Variants in CSMD1 observed in about 807,000 individuals in gnomAD.
CSMD1 encodes CUB and Sushi multiple domains 1.
Under a neutral mutation model 417.5 loss-of-function variants are expected in CSMD1, and 213 were observed. The ratio of observed to expected loss-of-function variants is 0.51; its 90% confidence interval spans 0.46 to 0.57. The LOEUF is 0.57. Ranked by LOEUF, CSMD1 falls within the 20% of genes least tolerant of loss-of-function variation. The pLI, the probability that CSMD1 is intolerant of heterozygous loss-of-function variation, is 0.00. For synonymous variants in CSMD1, 2,862 were observed against 1,736.8 expected (o/e 1.65, Z -16.11); for missense variants, 6,923 against 4,529.7 (o/e 1.53, Z -15.17).
intron 7 of CSMD1, among the ~76,000 whole-genome samples, chr8:3,686,216 A>AC (rs778089565): frequency 6.6e-6 from 1 of 152,092 alleles, no homozygotes; most frequent in Non-Finnish European, 1.5e-5. Flanking sequence ...AGTGTGGGTC[A>AC]CCCCCTTGAG....
At position 4,386,996 on chromosome 8, in the gene CSMD1, A is replaced by G. The variant is rs369521113; in HGVS notation, c.415+32957T>C. ...TCTATTGTATGAATGAAAGGACAGT[A>G]ATCGGCTTCATTTGAAAGGGACTGA... On this transcript the variant is annotated intron_variant, in intron 3 of 69. Coordinates refer to ENST00000635120, the MANE Select transcript of CSMD1 (RefSeq NM_033225.6). Among the ~76,000 whole-genome samples the G allele has an allele frequency of 3.3e-5, 5 of 152,334 alleles. No homozygotes were observed. The East Asian group carries it at 9.6e-4, about 29-fold the overall frequency.
At chr8:4,011,952 CATT>C (rs1816572582) in intron 4 of CSMD1, among the ~76,000 whole-genome samples, 1 of 151,894 alleles carries the variant, frequency 6.6e-6, no homozygotes, top group Non-Finnish European at 1.5e-5. Flanking sequence ...ATCATCTCTC[CATT>C]ATTTATAATA....
chr8:3,833,220 G>T (rs759052216), intron 5 of CSMD1, among the ~76,000 whole-genome samples: 1 of 151,874 alleles, frequency 6.6e-6, no homozygotes. Context: ...TTTTTTGTCC[G>T]TACTGTAATT....
chr8:3,277,220 C>G (rs1306731670), intron 26 of CSMD1, among the ~76,000 whole-genome samples: 2 of 151,970 alleles, frequency 1.3e-5, no homozygotes, highest in Non-Finnish European at 2.9e-5. Flanking sequence ...GGTTTTGTGG[C>G]CTTATTTTTG....
intron 1 of CSMD1, among the ~76,000 whole-genome samples, chr8:4,755,827 A>G (rs1811632701): frequency 6.6e-6 from 1 of 152,170 alleles, no homozygotes; most frequent in East Asian, 1.9e-4. Context: ...TTATTGTTAC[A>G]TTAAATCACT....
intron 5 of CSMD1, among the ~76,000 whole-genome samples, chr8:3,937,977 A>G (rs921879711): frequency 3.3e-5 from 5 of 152,224 alleles, no homozygotes; most frequent in Non-Finnish European, 7.3e-5. Context: ...ATTAAGTTAT[A>G]TCACATGAAT....
chr8:4,470,287 C>T (rs1239784994), intron 2 of CSMD1, among the ~76,000 whole-genome samples: 1 of 152,160 alleles, frequency 6.6e-6, no homozygotes, highest in Non-Finnish European at 1.5e-5. Flanking sequence ...CCTTCTCCCT[C>T]CTCTCCTTCA....
intron 5 of CSMD1, among the ~76,000 whole-genome samples, chr8:3,954,639 G>T (rs570777757): frequency 1.4e-4 from 21 of 152,354 alleles, no homozygotes; most frequent in African/African-American, 5.0e-4. Context: ...TGGGATTACA[G>T]GCGTGAGCCA....
At chr8:4,130,914 A>G (rs1050030369) in intron 3 of CSMD1, among the ~76,000 whole-genome samples, 7 of 152,180 alleles carry the variant, frequency 4.6e-5, no homozygotes, top group African/African-American at 9.6e-5. Context: ...GGATGGACGG[A>G]TTAATTATTC....
In CSMD1 at chr8:4,258,114, T is replaced by C. The variant is rs1563347557; in HGVS notation, c.415+161839A>G. 4.0e-5 allele frequency among the ~76,000 whole-genome samples: 6 copies of C among 151,376 alleles called. 1 individual carries two copies. The South Asian group carries it at 1.3e-3, about 32-fold the overall frequency. ...CCGTGCTACCATTCCCGGCTATTTT[T>C]TTCTATTTTTAGTAGAGATGAGGTC... On this transcript the variant is annotated intron_variant, in intron 3 of 69. Transcript: ENST00000635120.
At chr8:3,439,320 T>TTC (rs1491186840) in intron 12 of CSMD1, among the ~76,000 whole-genome samples, 1 of 133,816 alleles carries the variant, frequency 7.5e-6, no homozygotes, top group African/African-American at 2.8e-5. Flanking sequence ...TTTTTTTTTT[T>TTC]AATATGTATT....
intron 23 of CSMD1, among the ~76,000 whole-genome samples, chr8:3,329,745 G>A (rs909626853): frequency 2.0e-5 from 3 of 152,168 alleles, no homozygotes; most frequent in Non-Finnish European, 4.4e-5. Context: ...TGTGAGCAGA[G>A]GCCATGCCAT....
chr8:4,150,672 G>C (rs1408835302), intron 3 of CSMD1, among the ~76,000 whole-genome samples: 2 of 152,164 alleles, frequency 1.3e-5, no homozygotes, highest in African/African-American at 2.4e-5. Flanking sequence ...GTGCAGATAA[G>C]GAGTGTTTAG....
intron 11 of CSMD1, among the ~76,000 whole-genome samples, chr8:3,481,198 C>T (rs980331395): frequency 6.7e-6 from 1 of 149,634 alleles, no homozygotes; most frequent in South Asian, 2.2e-4. Flanking sequence ...GTTGGTAGAC[C>T]TGCCCTTAAT....
chr8:4,958,624 C>G lies in CSMD1; in HGVS notation c.85+35708G>C, dbSNP rs528063343. ...AGTTCTGCTACAATAATAAGCTATT[C>G]AAGTATGGGATCTATGTGAACCAGT... On this transcript the variant is annotated intron_variant, in intron 1 of 69. Coordinates refer to ENST00000635120, the MANE Select transcript of CSMD1 (RefSeq NM_033225.6). 3.3e-5 allele frequency among the ~76,000 whole-genome samples: 5 copies of G among 152,220 alleles called. No individual in the cohort carries two copies. The South Asian group carries it at 8.3e-4, about 25-fold the overall frequency.
intron 3 of CSMD1, among the ~76,000 whole-genome samples, chr8:4,342,733 G>A (rs928455030): frequency 6.6e-6 from 1 of 152,192 alleles, no homozygotes; most frequent in African/African-American, 2.4e-5. Flanking sequence ...ACATTCCGCA[G>A]TAGACAGGCT....
intron 3 of CSMD1, among the ~76,000 whole-genome samples, chr8:4,145,908 G>C (rs974317899): frequency 1.3e-5 from 2 of 150,930 alleles, no homozygotes; most frequent in Non-Finnish European, 2.9e-5. Flanking sequence ...CTCATCCCTT[G>C]GCACATGATT....
At chr8:4,025,609 G>A (rs1225129062) in intron 4 of CSMD1, among the ~76,000 whole-genome samples, 1 of 152,036 alleles carries the variant, frequency 6.6e-6, no homozygotes, top group African/African-American at 2.4e-5. Context: ...TTTTAAGACT[G>A]GCAGAACATG....
At chr8:3,755,509 G>C (rs902623433) in intron 5 of CSMD1, among the ~76,000 whole-genome samples, 2 of 152,156 alleles carry the variant, frequency 1.3e-5, no homozygotes, top group Non-Finnish European at 1.5e-5. Context: ...GCAGGAACTT[G>C]AACTGTGGTG....
Sources: allele counts gnomAD v4.1 joint callset (sites outside exome capture counted in the v4.1 genomes callset), GRCh38; gene constraint gnomAD v4.1.1; transcripts MANE v1.5; gene names NCBI Gene and HGNC (gene_info 2026-07-23, HGNC 2026-07-21).